TRIO: variants seen among roughly 807,000 people sequenced by gnomAD.
TRIO encodes the protein trio Rho guanine nucleotide exchange factor.
TRIO carries 58 observed loss-of-function variants against 351.9 expected under a neutral mutation model. The observed-to-expected ratio is 0.16, with a 90% CI of 0.13 to 0.21. The LOEUF (loss-of-function observed/expected upper bound fraction) is 0.21, where lower values mean the gene tolerates loss of function less well. TRIO is among the 10% of genes least tolerant of loss of function. TRIO has a pLI of 1.00. For missense variants in TRIO, 3,201 were observed against 4,027.8 expected, an observed-to-expected ratio of 0.79 and a Z score of 5.56; for synonymous variants, 1,758 against 1,595.7, an observed-to-expected ratio of 1.10 and a Z score of -2.42.
At chr5:14,450,145 C>G (rs1204845203) in intron 34 of TRIO, among the ~76,000 whole-genome samples, 3 of 152,120 alleles carry the variant, frequency 2.0e-5, no homozygotes, top group African/African-American at 7.2e-5. Flanking sequence ...TTGGCTTGTT[C>G]TGTTTGGTGA....
At chr5:14,296,630 C>T (rs1283793533) in intron 6 of TRIO, among the ~76,000 whole-genome samples, 1 of 152,138 alleles carries the variant, frequency 6.6e-6, no homozygotes. Context: ...ACACAAATAG[C>T]CTTTGGTTGC....
chr5:14,289,123 C>T (rs555220613), intron 4 of TRIO, among the ~76,000 whole-genome samples: 2 of 152,250 alleles, frequency 1.3e-5, no homozygotes, highest in Non-Finnish European at 2.9e-5. Context: ...CGCGGTGGCT[C>T]ATGCCTGTAA....
intron 15 of TRIO, among the ~76,000 whole-genome samples, chr5:14,365,953 A>G (rs892212895): frequency 6.6e-6 from 1 of 152,206 alleles, no homozygotes; most frequent in African/African-American, 2.4e-5. Context: ...AAACTTCCCC[A>G]GAGACTCCTG....
chr5:14,490,149 C>T (rs26112), intron 48 of TRIO, among the ~76,000 whole-genome samples: 17,378 of 137,924 alleles, frequency 0.13, 1,112 homozygotes, highest in Admixed American at 0.2. Context: ...TGAGCTGGCA[C>T]GCACCTATAG....
At chr5:14,421,660 ACAGACAG>A (rs887265727) in intron 34 of TRIO, among the ~76,000 whole-genome samples, 4 of 152,000 alleles carry the variant, frequency 2.6e-5, no homozygotes, top group Non-Finnish European at 5.9e-5. Flanking sequence ...CTGCGCAGCA[ACAGACAG>A]CAGGTGTGGG....
intron 13 of TRIO, among the ~76,000 whole-genome samples, chr5:14,360,191 T>G (rs975874717): frequency 6.6e-6 from 1 of 152,216 alleles, no homozygotes; most frequent in Non-Finnish European, 1.5e-5. Flanking sequence ...TCCATGATTC[T>G]TACCTAAACG....
At chr5:14,312,626 C>G (rs2152302766) in intron 8 of TRIO, among the ~76,000 whole-genome samples, 1 of 152,156 alleles carries the variant, frequency 6.6e-6, no homozygotes, top group East Asian at 1.9e-4. Flanking sequence ...CTCTTTGTGG[C>G]TCAGAGTTTC....
At chr5:14,346,872 G>T (rs1288337391) in intron 11 of TRIO, among the ~76,000 whole-genome samples, 1 of 152,206 alleles carries the variant, frequency 6.6e-6, no homozygotes, top group Admixed American at 6.5e-5. Context: ...CTCCCACACT[G>T]ATCTCCAGGT....
intron 4 of TRIO, among the ~76,000 whole-genome samples, chr5:14,288,007 A>T (rs536893565): frequency 6.6e-6 from 1 of 152,310 alleles, no homozygotes; most frequent in South Asian, 2.1e-4. Flanking sequence ...AATTCTTTCC[A>T]TAGTACTCAT....
Position 14,143,780 on chromosome 5 carries a change from G to T in TRIO, c.55G>T (p.Ala19Ser). 3 of 1,020,162 alleles carry T rather than the reference G, an allele frequency of 2.9e-6. No homozygotes were observed. Among genetic ancestry groups the T allele is most frequent in the Non-Finnish European group, 3.5e-6 (3 of 854,642 alleles). 63.2% of individuals were successfully genotyped at this position (1,020,162 alleles called of 1,614,324 possible). The change falls in exon 1 of 57, where the codon GCG becomes TCG. Residue 19 changes from alanine (A) to serine (S), a missense_variant. By Grantham distance (99) the Ala-to-Ser change is moderately conservative. Around this residue, in one of 19 missense-constraint regions of TRIO, gnomAD observed 109 missense variants for 134.6 expected, o/e 0.81. Coordinates refer to ENST00000344204, the MANE Select transcript of TRIO (RefSeq NM_007118.4). ...CCCCGCCGCGTCCTCCGGCCCCGCCGCGGCGGCCAGCGCGGCTGGCTCGGG... is the reference window on the plus strand; with the variant it reads ...CCCCGCCGCGTCCTCCGGCCCCGCCTCGGCGGCCAGCGCGGCTGGCTCGGG... ...AAPAASSGPA[A>S]AASAAGSGCG...
chr5:14,492,909 G>A (rs1756596648), intron 49 of TRIO, 95 bp downstream of exon 49: 1 of 1,536,666 alleles, frequency 6.5e-7, no homozygotes, highest in African/African-American at 1.4e-5. Context: ...TAAGCATGTG[G>A]AAGGGAGATC....
chr5:14,420,823 C>T (rs905889924), intron 34 of TRIO: 4 of 152,208 alleles, frequency 2.6e-5, no homozygotes, highest in African/African-American at 9.7e-5. Flanking sequence ...GCAGAGGGGC[C>T]CTGGTGAACT....
At chr5:14,281,963 C>T (rs542804321) in intron 3 of TRIO, among the ~76,000 whole-genome samples, 7 of 152,288 alleles carry the variant, frequency 4.6e-5, no homozygotes, top group Admixed American at 6.5e-5. Flanking sequence ...TTGACACAAG[C>T]GGGACAAGGC....
chr5:14,506,312 C>T (rs1757679219), intron 55 of TRIO, among the ~76,000 whole-genome samples: 1 of 152,208 alleles, frequency 6.6e-6, no homozygotes, highest in Non-Finnish European at 1.5e-5. Flanking sequence ...ACAGATTACT[C>T]CTGTTCTCAC....
chr5:14,230,516 G>A (rs1377037304), intron 1 of TRIO, among the ~76,000 whole-genome samples: 1 of 152,024 alleles, frequency 6.6e-6, no homozygotes, highest in Non-Finnish European at 1.5e-5. Flanking sequence ...TTACATGTGG[G>A]GATCATACTT....
chr5:14,487,240 AT>A (rs1480448801), intron 47 of TRIO, among the ~76,000 whole-genome samples: 1 of 152,026 alleles, frequency 6.6e-6, no homozygotes, highest in African/African-American at 2.4e-5. Flanking sequence ...TTAGTCCGGG[AT>A]GTGCTGAGGA....
chr5:14,282,101 G>A (rs939845063), intron 3 of TRIO, among the ~76,000 whole-genome samples: 3 of 152,216 alleles, frequency 2.0e-5, no homozygotes, highest in Non-Finnish European at 2.9e-5. Flanking sequence ...AACTATCACT[G>A]TGTGGCATCA....
At chr5:14,482,513 A>G (rs1202837124) in intron 45 of TRIO, 69 bp from the exon 46 acceptor site, 3 of 1,203,198 alleles carry the variant, frequency 2.5e-6, no homozygotes, top group Admixed American at 3.5e-5. Context: ...TAAAGAAAAC[A>G]GCTTCAGATA....
rs561815513 is a variant in TRIO at position 14,492,923 on chromosome 5, G to A, written c.7880+109G>A. The A allele has an allele frequency of 1.3e-5, 20 of 1,490,156 alleles. No homozygotes were observed. The South Asian group carries it at 1.5e-4, about 11-fold the overall frequency. 92.3% of individuals were successfully genotyped at this position (1,490,156 alleles called of 1,614,324 possible). On this transcript the variant is annotated intron_variant, in intron 49 of 56. Coordinates refer to ENST00000344204, the MANE Select transcript of TRIO (RefSeq NM_007118.4). ...GTAAGCATGTGGAAGGGAGATCTGCGCTGGTATGTTAGAACAGGCTCAGCT... is the reference window on the plus strand; with the variant it reads ...GTAAGCATGTGGAAGGGAGATCTGCACTGGTATGTTAGAACAGGCTCAGCT...
Sources: gnomAD v4.1 joint callset for allele counts (sites outside exome capture counted in the v4.1 genomes callset) on GRCh38, gnomAD v4.1.1 for gene constraint, gnomAD v4.1.1 regional missense constraint, MANE v1.5 for transcripts, NCBI Gene and HGNC (gene_info 2026-07-23, HGNC 2026-07-21) for gene names.